The following CCDC102B variants were observed in gnomAD, a reference collection of about 807,000 sequenced individuals.
CCDC102B encodes the protein coiled-coil domain-containing protein 102B.
In CCDC102B, 75 loss-of-function variants were observed where a neutral mutation model predicts 57.4. The observed-to-expected ratio is 1.31, with a 90% CI of 1.08 to 1.58. CCDC102B has a LOEUF of 1.58. CCDC102B is among the 40% of genes most tolerant of loss of function. CCDC102B has a pLI of 0.00. For synonymous variants in CCDC102B, 206 were observed against 201.9 expected, an observed-to-expected ratio of 1.02 and a Z score of -0.17; for missense variants, 636 against 582.6, an observed-to-expected ratio of 1.09 and a Z score of -0.94.
chr18:68,846,497 G>A, intron 4 of CCDC102B, 76 bp downstream of exon 4: 1 of 916,880 alleles, frequency 1.1e-6, no homozygotes, highest in Non-Finnish European at 1.6e-6. Flanking sequence ...CATGTGGGCA[G>A]AAAGGCACAA....
intron 2 of CCDC102B, among the ~76,000 whole-genome samples, chr18:68,763,696 TCAATACAGACAAATATTCC>T (rs1377242466): frequency 2.2e-5 from 2 of 91,478 alleles, no homozygotes; most frequent in Non-Finnish European, 5.1e-5. Context: ...CAAATATTCC[TCAATACAGACAAATATTCC>T]TCAATACAGA....
chr18:68,959,008 T>C (rs2049979246), intron 6 of CCDC102B, among the ~76,000 whole-genome samples: 1 of 152,188 alleles, frequency 6.6e-6, no homozygotes, highest in Admixed American at 6.6e-5. Flanking sequence ...CACTGGCTGC[T>C]TGTGTAGTTT....
At chr18:68,991,324 T>C (rs544238112) in intron 6 of CCDC102B, among the ~76,000 whole-genome samples, 8 of 152,324 alleles carry the variant, frequency 5.3e-5, no homozygotes, top group Non-Finnish European at 8.8e-5. Context: ...TGTAAAAGGC[T>C]GATTTATCAA....
At chr18:68,971,532 T>C (rs971505511) in intron 6 of CCDC102B, among the ~76,000 whole-genome samples, 3 of 152,154 alleles carry the variant, frequency 2.0e-5, no homozygotes, top group African/African-American at 4.8e-5. Context: ...AATTATGATT[T>C]TTTTGAGAAT....
chr18:68,936,936 G>T (rs912655800), intron 6 of CCDC102B, among the ~76,000 whole-genome samples: 3 of 151,520 alleles, frequency 2.0e-5, no homozygotes, highest in African/African-American at 7.3e-5. Context: ...GTTCCATAAA[G>T]ACCCTACAGG....
intron 2 of CCDC102B, among the ~76,000 whole-genome samples, chr18:68,772,008 C>T (rs750744886): frequency 7.2e-5 from 11 of 151,880 alleles, no homozygotes; most frequent in African/African-American, 1.7e-4. Flanking sequence ...ATTGTTTCAC[C>T]ATGCACTTTT....
intron 5 of CCDC102B, among the ~76,000 whole-genome samples, chr18:68,895,535 G>A (rs1307128361): frequency 6.6e-6 from 1 of 151,600 alleles, no homozygotes; most frequent in Non-Finnish European, 1.5e-5. Flanking sequence ...AAAGTATGTT[G>A]CAATGAAGCC....
At chr18:68,823,737 A>T (rs117353421) in intron 1 of CCDC102B, among the ~76,000 whole-genome samples, 1 of 152,128 alleles carries the variant, frequency 6.6e-6, no homozygotes, top group South Asian at 2.1e-4. Context: ...GGACTTTTTA[A>T]TAATGGCCAT....
intron 7 of CCDC102B, among the ~76,000 whole-genome samples, chr18:69,032,574 T>A (rs1002657621): frequency 2.0e-5 from 3 of 152,186 alleles, no homozygotes; most frequent in African/African-American, 7.2e-5. Flanking sequence ...TTGATGAGAC[T>A]ATTCTACAAT....
At chr18:68,793,849 G>A (rs748522902), upstream of CCDC102B, among the ~76,000 whole-genome samples, 19 of 152,094 alleles carry the variant, frequency 1.2e-4, no homozygotes, top group Admixed American at 7.9e-4. Context: ...TAGCTGTAGC[G>A]TTAACTTTTT....
intron 2 of CCDC102B, among the ~76,000 whole-genome samples, chr18:68,735,511 GA>G (rs2033086543): frequency 6.6e-6 from 1 of 152,104 alleles, no homozygotes; most frequent in African/African-American, 2.4e-5. Context: ...CTTTGCAGGT[GA>G]TCTCTGACTC....
At chr18:68,988,386 A>T (rs1482314624) in intron 6 of CCDC102B, among the ~76,000 whole-genome samples, 2 of 102,880 alleles carry the variant, frequency 1.9e-5, no homozygotes, top group Non-Finnish European at 3.9e-5. Flanking sequence ...GAATCTGTAG[A>T]CTGCTAGAGT....
intron 6 of CCDC102B, among the ~76,000 whole-genome samples, chr18:68,971,044 A>C (rs533244914): frequency 1.4e-4 from 21 of 152,172 alleles, no homozygotes; most frequent in African/African-American, 4.8e-4. Context: ...ATTATGCAAT[A>C]AATATTTGCA....
chr18:68,769,532 G>C (rs2034572543), intron 2 of CCDC102B, among the ~76,000 whole-genome samples: 1 of 151,962 alleles, frequency 6.6e-6, no homozygotes, highest in Non-Finnish European at 1.5e-5. Context: ...GGTTCCTCCT[G>C]GAATGATCCC....
intron 6 of CCDC102B, among the ~76,000 whole-genome samples, chr18:68,899,030 G>T (rs2040342180): frequency 6.6e-6 from 1 of 151,982 alleles, no homozygotes; most frequent in South Asian, 2.1e-4. Context: ...GAAACTGAGA[G>T]GATCCTCAAA....
chr18:68,781,529 T>C (rs1014179913), intron 2 of CCDC102B, among the ~76,000 whole-genome samples: 2 of 152,162 alleles, frequency 1.3e-5, no homozygotes, highest in Admixed American at 6.6e-5. Flanking sequence ...ATCCAGGCTG[T>C]CCTCCAAGAA....
chr18:68,915,848 G>T (rs2040744931), intron 6 of CCDC102B, among the ~76,000 whole-genome samples: 2 of 152,152 alleles, frequency 1.3e-5, no homozygotes, highest in Admixed American at 1.3e-4. Context: ...TACGAATGAA[G>T]ATTTTTTTCC....
chr18:68,900,519 T>C (rs1002309016), intron 6 of CCDC102B, among the ~76,000 whole-genome samples: 1 of 152,100 alleles, frequency 6.6e-6, no homozygotes, highest in Non-Finnish European at 1.5e-5. Flanking sequence ...ATTTGAGCTA[T>C]TTGTCAGAAT....
At chr18:69,004,975 T>C (rs1376003912) in intron 6 of CCDC102B, among the ~76,000 whole-genome samples, 1 of 152,218 alleles carries the variant, frequency 6.6e-6, no homozygotes, top group Admixed American at 6.5e-5. Flanking sequence ...CCAAGTATAA[T>C]AAATGTTTAT....
Sources: gnomAD v4.1 joint callset for allele counts (sites outside exome capture counted in the v4.1 genomes callset) on GRCh38, gnomAD v4.1.1 for gene constraint, MANE v1.5 for transcripts, NCBI Gene and HGNC (gene_info 2026-07-23, HGNC 2026-07-21) for gene names.